Variants in ARPP21 observed in about 807,000 individuals in gnomAD.
ARPP21 encodes the protein cAMP regulated phosphoprotein 21, also known as cAMP-regulated phosphoprotein 21.
ARPP21 carries 69 observed loss-of-function variants against 113.2 expected under a neutral mutation model. That is an observed-to-expected ratio of 0.61 (90% CI 0.50 to 0.74). ARPP21 has a LOEUF of 0.74. Among genes scored for constraint, ARPP21 ranks in the 30% least tolerant of loss-of-function variants. The pLI, the probability that ARPP21 is intolerant of heterozygous loss-of-function variation, is 0.00. For missense variants in ARPP21, 1,070 were observed against 1,037.4 expected, an observed-to-expected ratio of 1.03 and a Z score of -0.43; for synonymous variants, 368 against 375.5, an observed-to-expected ratio of 0.98 and a Z score of 0.23.
chr3:35,664,953 G>A (rs965675249), intron 1 of ARPP21, among the ~76,000 whole-genome samples: 6 of 152,162 alleles, frequency 3.9e-5, no homozygotes, highest in African/African-American at 1.4e-4. Context: ...TATTTTGTGT[G>A]TGTGTAACCT....
In ARPP21 at chr3:35,794,000, C is replaced by T; in HGVS notation, c.*42C>T. 1 of 1,564,222 alleles carries T rather than the reference C, an allele frequency of 6.4e-7. No individual in the cohort carries two copies. The highest frequency in any genetic ancestry group is 8.7e-7 in the Non-Finnish European group (1 of 1,149,418). On this transcript the variant is annotated 3_prime_UTR_variant, in exon 21 of 21. Coordinates refer to ENST00000684406, the MANE Select transcript of ARPP21 (RefSeq NM_001385562.1). ...ACATTTCTTCAGATATTTCTCATGGCCTTTGATGGAAGAGGAACAAGGTGG... is the reference window on the plus strand; with the variant it reads ...ACATTTCTTCAGATATTTCTCATGGTCTTTGATGGAAGAGGAACAAGGTGG...
At chr3:35,753,041 A>AGTGTGT (rs3086930) in intron 19 of ARPP21, among the ~76,000 whole-genome samples, 2,661 of 144,030 alleles carry the variant, frequency 0.018, 27 homozygotes, top group Admixed American at 0.022. Context: ...TATGGCAGGA[A>AGTGTGT]GTGTGTGTGT....
chr3:35,721,951 G>T, intron 14 of ARPP21, 117 bp downstream of exon 14: 1 of 665,562 alleles, frequency 1.5e-6, no homozygotes. Context: ...TAATCACAGG[G>T]ATAGCTGGAA....
intron 14 of ARPP21, among the ~76,000 whole-genome samples, chr3:35,723,237 G>C (rs1262136013): frequency 1.3e-5 from 2 of 152,156 alleles, no homozygotes; most frequent in African/African-American, 2.4e-5. Flanking sequence ...TTAGGGCCAA[G>C]GGGTTCCCCA....
intron 20 of ARPP21, 141 bp from the exon 21 acceptor site, chr3:35,793,560 A>G (rs1248372007): frequency 3.1e-6 from 2 of 644,436 alleles, no homozygotes; most frequent in African/African-American, 1.8e-5. Flanking sequence ...AATGTGAAAC[A>G]GCCGATAAAT....
At chr3:35,668,510 T>C (rs1308006182) in intron 1 of ARPP21, among the ~76,000 whole-genome samples, 2 of 151,994 alleles carry the variant, frequency 1.3e-5, no homozygotes, top group African/African-American at 2.4e-5. Flanking sequence ...GGCCACAGAG[T>C]TGCCAGCAGA....
At chr3:35,670,624 C>G (rs2076096004) in intron 1 of ARPP21, among the ~76,000 whole-genome samples, 1 of 152,052 alleles carries the variant, frequency 6.6e-6, no homozygotes, top group Non-Finnish European at 1.5e-5. Context: ...AGCATTGCCA[C>G]AGATGGACCC....
chr3:35,695,254 C>T (rs373116835), intron 9 of ARPP21, among the ~76,000 whole-genome samples: 2 of 151,532 alleles, frequency 1.3e-5, no homozygotes, highest in African/African-American at 4.8e-5. Context: ...TACATTAATA[C>T]ATTCCAGGTT....
rs1417224709 is a variant in ARPP21, at chr3:35,690,937, T to C, written c.618T>C (p.Phe206=). ...RMLVHRVAAY[F]GLDHNVDQTG... ...TTGTCCATCGAGTGGCAGCTTATTT[T>C]GGATTGGATCACAATGTGGATCAAA... The change falls in exon 9 of 21, where the codon TTT becomes TTC. Residue 206 remains phenylalanine, a synonymous_variant. Transcript: ENST00000684406. 6.2e-7 allele frequency: 1 copy of C among 1,610,824 alleles called. No homozygotes were observed. Among genetic ancestry groups the C allele is most frequent in the Non-Finnish European group, 8.5e-7 (1 of 1,178,058 alleles).
intron 1 of ARPP21, among the ~76,000 whole-genome samples, chr3:35,665,856 T>C (rs143841800): frequency 6.6e-6 from 1 of 152,182 alleles, no homozygotes; most frequent in Admixed American, 6.5e-5. Context: ...AGTTAGTGTA[T>C]GCACAATATG....
At chr3:35,760,454 T>A (rs187653557) in intron 19 of ARPP21, among the ~76,000 whole-genome samples, 22 of 152,068 alleles carry the variant, frequency 1.4e-4, no homozygotes, top group African/African-American at 5.1e-4. Flanking sequence ...GATGCGAGAT[T>A]CTCCAGGGAA....
At chr3:35,782,595 G>A (rs1175309947) in intron 19 of ARPP21, among the ~76,000 whole-genome samples, 1 of 152,066 alleles carries the variant, frequency 6.6e-6, no homozygotes, top group Non-Finnish European at 1.5e-5. Flanking sequence ...GCTACTAGAT[G>A]ATTCAGAGGG....
chr3:35,668,105 T>A (rs2075372379), intron 1 of ARPP21, among the ~76,000 whole-genome samples: 1 of 151,970 alleles, frequency 6.6e-6, no homozygotes, highest in African/African-American at 2.4e-5. Context: ...ATTCACAATG[T>A]CCCTCCCTCA....
chr3:35,777,300 A>G (rs1007771794), intron 19 of ARPP21, among the ~76,000 whole-genome samples: 2 of 152,158 alleles, frequency 1.3e-5, no homozygotes, highest in African/African-American at 4.8e-5. Context: ...ACGTTACCTG[A>G]TAGCTACCTG....
chr3:35,696,996 A>G (rs1192269250), intron 9 of ARPP21, among the ~76,000 whole-genome samples: 13 of 151,678 alleles, frequency 8.6e-5, no homozygotes, highest in Middle Eastern at 3.4e-3. Flanking sequence ...GCACACTTAG[A>G]GTGTACCATT....
At chr3:35,778,929 C>T (rs150999388) in intron 19 of ARPP21, among the ~76,000 whole-genome samples, 1 of 152,252 alleles carries the variant, frequency 6.6e-6, no homozygotes, top group East Asian at 1.9e-4. Flanking sequence ...TAAGTGTAAT[C>T]CACTATATGG....
intron 9 of ARPP21, among the ~76,000 whole-genome samples, chr3:35,695,983 A>G (rs1237422302): frequency 1.3e-5 from 2 of 151,694 alleles, no homozygotes; most frequent in Admixed American, 1.3e-4. Context: ...CAAATCCAGG[A>G]GACTTTAAAA....
intron 9 of ARPP21, among the ~76,000 whole-genome samples, chr3:35,705,334 T>C (rs9872594): frequency 1.3e-5 from 2 of 152,196 alleles, no homozygotes; most frequent in East Asian, 3.8e-4. Flanking sequence ...TTGAAGTGTC[T>C]TGTGACTATG....
intron 4 of ARPP21, 102 bp from the exon 5 acceptor site, chr3:35,683,624 T>C (rs1420012985): frequency 7.3e-6 from 5 of 685,444 alleles, no homozygotes; most frequent in African/African-American, 5.3e-5. Flanking sequence ...AAATCTCATT[T>C]GGGGAAGTTA....
Sources: allele counts gnomAD v4.1 joint callset (sites outside exome capture counted in the v4.1 genomes callset), GRCh38; gene constraint gnomAD v4.1.1; transcripts MANE v1.5; gene names NCBI Gene and HGNC (gene_info 2026-07-23, HGNC 2026-07-21).